BCO1: variants seen among roughly 807,000 people sequenced by gnomAD.
The protein encoded by BCO1 is beta-carotene oxygenase 1.
BCO1 carries 54 observed loss-of-function variants against 56.3 expected under a neutral mutation model. The ratio of observed to expected loss-of-function variants is 0.96; its 90% CI spans 0.77 to 1.20. The LOEUF (loss-of-function observed/expected upper bound fraction) is 1.20. BCO1 is among the 50% of genes most tolerant of loss of function. The pLI is 0.00. For synonymous variants in BCO1, 318 were observed against 266.1 expected, an observed-to-expected ratio of 1.20 and a Z score of -1.90; for missense variants, 801 against 690.9, an observed-to-expected ratio of 1.16 and a Z score of -1.79.
intron 7 of BCO1, among the ~76,000 whole-genome samples, chr16:81,275,863 G>A (rs921243073): frequency 1.3e-5 from 2 of 152,170 alleles, no homozygotes; most frequent in South Asian, 2.1e-4. Context: ...GGCACCGTGG[G>A]CCTGTTTACG....
intron 3 of BCO1, among the ~76,000 whole-genome samples, chr16:81,260,197 T>C (rs1906397667): frequency 6.6e-6 from 1 of 151,610 alleles, no homozygotes. Context: ...AAAAGAGGAC[T>C]GGTTAAATCC....
intron 2 of BCO1, among the ~76,000 whole-genome samples, chr16:81,246,227 C>G (rs1224522714): frequency 1.3e-5 from 2 of 152,066 alleles, no homozygotes; most frequent in Non-Finnish European, 2.9e-5. Flanking sequence ...GACTTTCCTG[C>G]CTCCCTCTTA....
chr16:81,273,781 G>A (rs1237504889), intron 7 of BCO1, among the ~76,000 whole-genome samples: 1 of 152,130 alleles, frequency 6.6e-6, no homozygotes, highest in Non-Finnish European at 1.5e-5. Flanking sequence ...TAAAGCAGAG[G>A]TCTTGAGCTC....
chr16:81,282,955 G>C (rs1488114916), intron 8 of BCO1, among the ~76,000 whole-genome samples: 1 of 152,154 alleles, frequency 6.6e-6, no homozygotes, highest in Admixed American at 6.6e-5. Context: ...CTGGCCTATA[G>C]GGAGAGTCCA....
chr16:81,277,164 A>C (rs1457062190), intron 7 of BCO1, among the ~76,000 whole-genome samples: 1 of 152,052 alleles, frequency 6.6e-6, no homozygotes, highest in African/African-American at 2.4e-5. Flanking sequence ...CCACGCCATC[A>C]TGAAGGGCTG....
intron 8 of BCO1, among the ~76,000 whole-genome samples, chr16:81,284,834 C>A (rs1908082892): frequency 6.8e-6 from 1 of 147,654 alleles, no homozygotes; most frequent in African/African-American, 2.5e-5. Context: ...CTTTTCTTTT[C>A]TTTTCTTTTT....
intron 8 of BCO1, among the ~76,000 whole-genome samples, chr16:81,285,335 C>G (rs769742244): frequency 6.6e-6 from 1 of 152,166 alleles, no homozygotes; most frequent in Non-Finnish European, 1.5e-5. Flanking sequence ...CTCCTGGACT[C>G]TCTAATAGAG....
In BCO1 at chr16:81,268,050, G is replaced by T. The variant is rs1906942684; in HGVS notation, c.762G>T (p.Arg254Ser). Residue 254 changes from arginine to serine, a missense_variant, in exon 6 of 11, where the codon AGG (arginine) becomes AGT (serine). Transcript: ENST00000258168. ...TCATCTTCCTTGAGCAGCCTTTCAG[G>T]TTGGATATTCTCAAGATGGCAACCG... ...NYVIFLEQPFRLDILKMATAY... is the reference protein window; with the variant it reads ...NYVIFLEQPFSLDILKMATAY... The T allele has an allele frequency of 6.2e-7, 1 of 1,613,440 alleles. No individual in the cohort carries two copies. Among genetic ancestry groups the T allele is most frequent in the East Asian group, 2.2e-5 (1 of 44,882 alleles).
At chr16:81,262,543 A>C (rs889202728) in intron 4 of BCO1, 1 of 445,296 alleles carries the variant, frequency 2.2e-6, no homozygotes, top group Non-Finnish European at 4.2e-6. Flanking sequence ...AACAACAGAA[A>C]TTGGCTGGGT....
At chr16:81,253,766 C>G (rs1407075956) in intron 2 of BCO1, among the ~76,000 whole-genome samples, 1 of 152,116 alleles carries the variant, frequency 6.6e-6, no homozygotes, top group South Asian at 2.1e-4. Flanking sequence ...GAGTTCAAGA[C>G]CAGCCTAGGC....
chr16:81,258,347 ACT>A (rs568453814), intron 2 of BCO1, among the ~76,000 whole-genome samples: 97 of 152,108 alleles, frequency 6.4e-4, no homozygotes, highest in Admixed American at 4.3e-3. Flanking sequence ...CATGAGTTAG[ACT>A]CTCTGCAGAA....
Position 81,284,228 on chromosome 16 carries a change from A to T in BCO1, c.1208-1312A>T, listed in dbSNP as rs1008536723. Among the ~76,000 whole-genome samples the T allele has an allele frequency of 4.8e-3, 639 of 131,808 alleles. 3 individuals are homozygous for T. The highest frequency in any genetic ancestry group is 0.016 in the African/African-American group (570 of 35,594). 86.5% of individuals were successfully genotyped at this position (131,808 alleles called of 152,430 possible). A position where few individuals can be genotyped will look rare whatever the true frequency, so the allele number is the denominator to read the frequency against. ...CAACAAACAAACTATATATATATAT[A>T]TTTTTATATATTTATATATTTATAT... On this transcript the variant is annotated intron_variant, in intron 8 of 10. Transcript: ENST00000258168.
chr16:81,275,673 T>C (rs1907511413), intron 7 of BCO1, among the ~76,000 whole-genome samples: 1 of 152,242 alleles, frequency 6.6e-6, no homozygotes, highest in Admixed American at 6.5e-5. Flanking sequence ...AAGCAAGTTC[T>C]CTAAAAGGGC....
chr16:81,281,021 A>C, intron 8 of BCO1, 59 bp downstream of exon 8: 1 of 1,255,238 alleles, frequency 8.0e-7, no homozygotes, highest in Non-Finnish European at 1.2e-6. Context: ...CAGGGAGCCC[A>C]GAGGCCTCTT....
rs199627561 is a variant in BCO1 at position 81,289,861 on chromosome 16, CGTTT to C, written c.1415-479_1415-476del. Among the ~76,000 whole-genome samples, 970 of 152,168 alleles carry C rather than the reference CGTTT, an allele frequency of 6.4e-3. 12 individuals are homozygous for C. Among genetic ancestry groups the C allele is most frequent in the African/African-American group, 0.022 (912 of 41,520 alleles). On this transcript the variant is annotated intron_variant, in intron 10 of 10. Coordinates refer to ENST00000258168, the MANE Select transcript of BCO1 (RefSeq NM_017429.3). ...AACCAGGTTTTCTGGTTTGTTCATT[CGTTT>C]GTTTGTTCGTTTGTTTTGAGGCCGT...
Position 81,268,027 on chromosome 16 carries a change from A to T in BCO1, c.739A>T (p.Ile247Phe), listed in dbSNP as rs754905093. Residue 247 changes from isoleucine (I) to phenylalanine (F), a missense_variant, in exon 6 of 11, where the codon ATC (isoleucine) becomes TTC (phenylalanine). By Grantham distance (21) the Ile-to-Phe change is conservative. Transcript: ENST00000258168. ...CTTTGGAGTCACCGAGAACTATGTC[A>T]TCTTCCTTGAGCAGCCTTTCAGGTT... ...HSFGVTENYV[I>F]FLEQPFRLDI... 1.9e-6 allele frequency: 3 copies of T among 1,613,680 alleles called. No individual in the cohort carries two copies.
chr16:81,260,982 A>T (rs1906449292), intron 3 of BCO1, among the ~76,000 whole-genome samples: 3 of 152,198 alleles, frequency 2.0e-5, no homozygotes, highest in Non-Finnish European at 4.4e-5. Context: ...GAGATGGAAG[A>T]TTGCTTCTGC....
intron 7 of BCO1, among the ~76,000 whole-genome samples, chr16:81,272,882 GA>G (rs1281808699): frequency 6.6e-6 from 1 of 152,200 alleles, no homozygotes; most frequent in African/African-American, 2.4e-5. Context: ...CTGAGGCTCA[GA>G]GAAGTTAAGA....
At chr16:81,283,298 G>A (rs1907984648) in intron 8 of BCO1, among the ~76,000 whole-genome samples, 1 of 151,822 alleles carries the variant, frequency 6.6e-6, no homozygotes, top group African/African-American at 2.4e-5. Flanking sequence ...CTACTGGCCA[G>A]GCGCAATGGC....
Sources: gnomAD v4.1 joint callset for allele counts (sites outside exome capture counted in the v4.1 genomes callset) on GRCh38, gnomAD v4.1.1 for gene constraint, MANE v1.5 for transcripts, NCBI Gene and HGNC (gene_info 2026-07-23, HGNC 2026-07-21) for gene names.